Variants in STAG2 observed in about 807,000 individuals in gnomAD.
STAG2 encodes the protein STAG2 cohesin complex component.
In STAG2, 14 loss-of-function variants were observed where a neutral mutation model predicts 108.1. The observed-to-expected ratio is 0.13, with a 90% CI of 0.09 to 0.20. The LOEUF (loss-of-function observed/expected upper bound fraction) is 0.20. Ranked by LOEUF, STAG2 falls within the 10% of genes least tolerant of loss-of-function variation. The probability of loss-of-function intolerance (pLI) is 1.00; values close to 1 mark genes in which losing one functional copy is unlikely to be tolerated. For missense variants in STAG2, 440 were observed against 940.9 expected, an observed-to-expected ratio of 0.47 and a Z score of 6.96; for synonymous variants, 307 against 302.7, an observed-to-expected ratio of 1.01 and a Z score of -0.15.
In STAG2 at chrX:123,983,974, C is replaced by CTTTTTTTTTTTTTTT; in HGVS notation, c.-163+22125_-163+22139dup. 5.9e-3 allele frequency among the ~76,000 whole-genome samples: 365 copies of CTTTTTTTTTTTTTTT among 61,420 alleles called. 22 individuals carry two copies. Among genetic ancestry groups the CTTTTTTTTTTTTTTT allele is most frequent in the East Asian group, 0.027 (50 of 1,870 alleles). The allele number at this position is 61,420 out of a possible 115,157, so 53.3% of individuals were successfully genotyped here. On this transcript the variant is annotated intron_variant, in intron 1 of 34. Transcript: ENST00000371145. Reference sequence around the variant, plus strand: ...AAAAAGAATAATTTTCTTTTCTTTTCTTTTTTTTTTTTTTTTTTTTTGAGA... The same window carrying CTTTTTTTTTTTTTTT: ...AAAAAGAATAATTTTCTTTTCTTTTCTTTTTTTTTTTTTTTTTTTTTTTTTTTTTTTTTTTTGAGA...
At chrX:124,088,991 C>T (rs1163086482) in intron 30 of STAG2, among the ~76,000 whole-genome samples, 1 of 100,954 alleles carries the variant, frequency 9.9e-6, no homozygotes. Context: ...TCTGAGCTCA[C>T]TGCAACCTCC....
Position 124,064,043 on chromosome X carries a change from C to T in STAG2, c.2017C>T (p.Leu673=), listed in dbSNP as rs184717615. ...ATTTAACCGGCTTCTTGAAGATTTT[C>T]TGCAAGAGGTATATATTATAACTAT... is the stretch of plus-strand genomic sequence containing the variant. ...DKFNRLLEDF[L]QEGEEPDEDD... The change falls in exon 20 of 35, where the codon CTG becomes TTG. Residue 673 remains leucine, a synonymous_variant. Coordinates refer to ENST00000371145, the MANE Select transcript of STAG2 (RefSeq NM_001042750.2). 4.2e-5 allele frequency: 50 copies of T among 1,197,843 alleles called. No individual in the cohort carries two copies. The African/African-American group carries it at 7.4e-4, about 18-fold the overall frequency.
At chrX:124,003,482 C>G (rs944145393) in intron 1 of STAG2, 1 of 109,556 alleles carries the variant, frequency 9.1e-6, no homozygotes, top group African/African-American at 3.3e-5. Context: ...AGTGCAATGG[C>G]GTGATCTCAG....
intron 2 of STAG2, among the ~76,000 whole-genome samples, chrX:124,021,708 A>G (rs1378067324): frequency 3.6e-5 from 4 of 111,719 alleles, no homozygotes; most frequent in East Asian, 2.8e-4. Flanking sequence ...CTTCTCAACA[A>G]AGTTTGTTAT....
intron 11 of STAG2, 69 bp downstream of exon 11, chrX:124,050,378 GT>G (rs1233077355): frequency 4.8e-5 from 52 of 1,083,032 alleles, no homozygotes; most frequent in Non-Finnish European, 6.4e-5. Flanking sequence ...TCATTCATGA[GT>G]TATCTCCCAG....
rs2059504285 is a variant in STAG2, at chrX:124,101,282, T to G, written c.*685T>G. On this transcript the variant is annotated 3_prime_UTR_variant, in exon 35 of 35. Transcript: ENST00000371145. ...GCCAGAAGGTAACCAGTCTCAAACA[T>G]GCTTATCCCATTATCAACCCTGAAA... The G allele has an allele frequency of 6.6e-6, 1 of 151,149 alleles. No homozygotes were observed. Among genetic ancestry groups the G allele is most frequent in the African/African-American group, 3.1e-5 (1 of 32,526 alleles). 12.5% of individuals were successfully genotyped at this position (151,149 alleles called of 1,213,427 possible).
intron 28 of STAG2, among the ~76,000 whole-genome samples, chrX:124,082,147 CAGAT>C (rs36054620): frequency 0.034 from 3,799 of 111,939 alleles, 57 homozygotes; most frequent in Non-Finnish European, 0.048. Flanking sequence ...ATCTCATTGT[CAGAT>C]AGAGAAATCT....
intron 1 of STAG2, among the ~76,000 whole-genome samples, chrX:123,963,989 A>G (rs888666292): frequency 5.4e-5 from 6 of 111,640 alleles, no homozygotes; most frequent in Non-Finnish European, 9.4e-5. Context: ...GGTAGGAGGT[A>G]GGTGTGAAGC....
At chrX:123,995,293 C>T (rs1426099870) in intron 1 of STAG2, among the ~76,000 whole-genome samples, 2 of 111,589 alleles carry the variant, frequency 1.8e-5, no homozygotes, top group Admixed American at 9.5e-5. Flanking sequence ...TTTTGCACAA[C>T]GAATCCGTTT....
intron 1 of STAG2, among the ~76,000 whole-genome samples, chrX:123,968,938 G>A (rs974594807): frequency 1.8e-5 from 2 of 111,838 alleles, no homozygotes; most frequent in Non-Finnish European, 3.8e-5. Context: ...TTCACACTCA[G>A]ATTAGCCTGG....
intron 34 of STAG2, among the ~76,000 whole-genome samples, chrX:124,096,893 A>G (rs2059392253): frequency 8.9e-6 from 1 of 112,438 alleles, no homozygotes; most frequent in Non-Finnish European, 1.9e-5. Flanking sequence ...TAATAAGGCC[A>G]AGGGGCCGGG....
chrX:124,076,514 C>T (rs2058807528), intron 26 of STAG2, 43 bp downstream of exon 26: 10 of 1,080,945 alleles, frequency 9.3e-6, no homozygotes, highest in Middle Eastern at 2.9e-4. Flanking sequence ...TAAAATGCAA[C>T]GCTAGTTTTT....
Position 124,037,604 on chromosome X carries a change from T to C in STAG2, c.366T>C (p.Ile122=). 8.5e-7 allele frequency: 1 copy of C among 1,177,518 alleles called. No individual in the cohort carries two copies. The highest frequency in any genetic ancestry group is 3.1e-5 in the East Asian group (1 of 32,489). Residue 122 remains isoleucine (I), a synonymous_variant, in exon 6 of 35, where the codon ATT becomes ATC. Transcript: ENST00000371145. ...IALLDLINFF[I]QCSGCKGVVT... is the part of the protein sequence containing the mutation. ...TTCTTGACCTTATCAACTTTTTTAT[T>C]CAGTGTTCAGGCTGTAAAGGTAAGA...
upstream of STAG2, chrX:123,961,379 A>C (rs1722724868): frequency 9.4e-6 from 1 of 106,056 alleles, no homozygotes; most frequent in South Asian, 4.3e-4. Context: ...GTGTAGCAGT[A>C]GATTTAGGTT....
At chrX:124,027,412 A>T (rs1380142912) in intron 4 of STAG2, among the ~76,000 whole-genome samples, 1 of 112,375 alleles carries the variant, frequency 8.9e-6, no homozygotes, top group South Asian at 3.7e-4. Context: ...CTATCCAAAG[A>T]TAACCTTAAT....
In STAG2 at chrX:124,086,743, G is replaced by A. The variant is rs1179974787; in HGVS notation, c.3250G>A (p.Val1084Met). 3.3e-6 allele frequency: 4 copies of A among 1,203,618 alleles called. No individual in the cohort carries two copies. Among genetic ancestry groups the A allele is most frequent in the Non-Finnish European group, 4.5e-6 (4 of 892,765 alleles). Residue 1084 changes from valine to methionine, a missense_variant, in exon 30 of 35, where the codon GTG becomes ATG. Physicochemically the swap from Val to Met is conservative, Grantham distance 21. Transcript: ENST00000371145. ...KSKPSTGKRK[V>M]VEGMQLSLTE... ...AAAACCATCTACAGGAAAACGGAAA[G>A]TGGTTGAGGGCATGCAGCTTTCACT...
chrX:124,065,479 A>T (rs919187579), intron 20 of STAG2, among the ~76,000 whole-genome samples: 1 of 111,539 alleles, frequency 9.0e-6, no homozygotes, highest in Non-Finnish European at 1.9e-5. Flanking sequence ...GATTAGTGTC[A>T]TATGTCTTCA....
At chrX:124,041,529 T>C (rs1249619484) in intron 6 of STAG2, among the ~76,000 whole-genome samples, 1 of 111,525 alleles carries the variant, frequency 9.0e-6, no homozygotes, top group East Asian at 2.8e-4. Flanking sequence ...CTCATCTTCT[T>C]GTACCAAGAC....
intron 7 of STAG2, among the ~76,000 whole-genome samples, chrX:124,044,864 A>G (rs1406714241): frequency 8.9e-6 from 1 of 111,806 alleles, no homozygotes; most frequent in East Asian, 2.8e-4. Context: ...TGTGCTTATC[A>G]CAAGGATGTT....
Sources: allele counts gnomAD v4.1 joint callset (sites outside exome capture counted in the v4.1 genomes callset), GRCh38; gene constraint gnomAD v4.1.1; transcripts MANE v1.5; gene names NCBI Gene and HGNC (gene_info 2026-07-23, HGNC 2026-07-21).